EPCIP: variants seen among roughly 807,000 people sequenced by gnomAD.
The protein encoded by EPCIP is exosomal polycystin 1 interacting protein.
At chr21:32,803,864 T>A in the EPCIP span, among the ~76,000 whole-genome samples, 1 of 152,224 alleles carries the variant, frequency 6.6e-6, no homozygotes, top group Non-Finnish European at 1.5e-5. Context: ...AAGTCACCGT[T>A]CTGTGCAGTC....
chr21:32,811,619 A>G, the EPCIP span, among the ~76,000 whole-genome samples: 1 of 152,212 alleles, frequency 6.6e-6, no homozygotes, highest in Non-Finnish European at 1.5e-5. Flanking sequence ...GTGAGATTCC[A>G]TGCATTGTAT....
the EPCIP span, among the ~76,000 whole-genome samples, chr21:32,801,883 G>A: frequency 6.6e-6 from 1 of 152,138 alleles, no homozygotes; most frequent in African/African-American, 2.4e-5. Flanking sequence ...TGGTGGTAAG[G>A]GAGAAACGGA....
the EPCIP span, chr21:32,798,778 A>G: frequency 1.3e-5 from 2 of 152,176 alleles, no homozygotes; most frequent in African/African-American, 4.8e-5. Flanking sequence ...ATTCTGGCCA[A>G]CAAGGCGAAA....
the EPCIP span, among the ~76,000 whole-genome samples, chr21:32,809,289 T>TCCC: frequency 1.3e-4 from 16 of 118,662 alleles, 1 homozygote; most frequent in South Asian, 1.2e-3. Context: ...CCTTTCTTTC[T>TCCC]TTCTTTCTTT....
At chr21:32,811,352 G>A in the EPCIP span, among the ~76,000 whole-genome samples, 3 of 152,188 alleles carry the variant, frequency 2.0e-5, no homozygotes, top group South Asian at 4.2e-4. Flanking sequence ...GGCTGGTCTC[G>A]AACTCCTGAC....
the EPCIP span, among the ~76,000 whole-genome samples, chr21:32,802,075 C>T: frequency 3.9e-5 from 6 of 152,124 alleles, no homozygotes; most frequent in African/African-American, 7.2e-5. Context: ...GGCAGGAAGA[C>T]AGGGTTAGAC....
chr21:32,804,561 A>C, the EPCIP span, among the ~76,000 whole-genome samples: 1 of 152,074 alleles, frequency 6.6e-6, no homozygotes, highest in East Asian at 1.9e-4. Context: ...AGTCATAGTG[A>C]TAACAAATGT....
the EPCIP span, among the ~76,000 whole-genome samples, chr21:32,796,513 C>T: frequency 1.3e-5 from 2 of 152,094 alleles, no homozygotes; most frequent in South Asian, 2.1e-4. Context: ...CTGGATAAGG[C>T]GGTTTAGAGT....
the EPCIP span, among the ~76,000 whole-genome samples, chr21:32,811,076 C>T: frequency 2.6e-5 from 4 of 151,892 alleles, no homozygotes; most frequent in Admixed American, 6.6e-5. Flanking sequence ...AAGTGTTTCA[C>T]GTGTTTTATG....
chr21:32,805,020 T>C, the EPCIP span, among the ~76,000 whole-genome samples: 1 of 152,190 alleles, frequency 6.6e-6, no homozygotes, highest in Non-Finnish European at 1.5e-5. Flanking sequence ...TACATGGCCA[T>C]AAGGCCTCTA....
the EPCIP span, among the ~76,000 whole-genome samples, chr21:32,805,425 G>A: frequency 2.6e-5 from 4 of 151,668 alleles, no homozygotes; most frequent in African/African-American, 9.7e-5. Context: ...GCAGTGGCAC[G>A]ATCTTGGCTC....
chr21:32,813,501 A>C, the EPCIP span: 6 of 447,718 alleles, frequency 1.3e-5, no homozygotes, highest in Non-Finnish European at 2.8e-5. Context: ...CAACCGTCAC[A>C]GTTCCTGCCA....
At chr21:32,796,375 G>C in the EPCIP span, among the ~76,000 whole-genome samples, 1 of 152,130 alleles carries the variant, frequency 6.6e-6, no homozygotes, top group Admixed American at 6.5e-5. Flanking sequence ...CAAAAGACCT[G>C]GATCCTATCC....
At chr21:32,806,588 C>G in the EPCIP span, among the ~76,000 whole-genome samples, 2 of 152,232 alleles carry the variant, frequency 1.3e-5, no homozygotes, top group Non-Finnish European at 2.9e-5. Context: ...TGCCCTCTGG[C>G]TGGTGAAGCC....
At chr21:32,794,039 T>C in the EPCIP span, 1 of 1,614,196 alleles carries the variant, frequency 6.2e-7, no homozygotes, top group Non-Finnish European at 8.5e-7. Context: ...GGCCTCCATG[T>C]TGATGCGCAG....
the EPCIP span, among the ~76,000 whole-genome samples, chr21:32,800,162 G>C: frequency 2.6e-5 from 4 of 152,146 alleles, no homozygotes; most frequent in Non-Finnish European, 5.9e-5. Flanking sequence ...TCCAAATGCT[G>C]TCCTCCCACT....
the EPCIP span, among the ~76,000 whole-genome samples, chr21:32,806,208 G>A: frequency 6.6e-6 from 1 of 152,222 alleles, no homozygotes; most frequent in Non-Finnish European, 1.5e-5. Flanking sequence ...GTGGACAGAA[G>A]CATTTTCTCC....
chr21:32,796,491 C>T, the EPCIP span, among the ~76,000 whole-genome samples: 1 of 152,168 alleles, frequency 6.6e-6, no homozygotes, highest in Admixed American at 6.5e-5. Context: ...GAGAGAGATT[C>T]GACGCGGGGG....
At chr21:32,804,307 A>T in the EPCIP span, among the ~76,000 whole-genome samples, 7 of 149,216 alleles carry the variant, frequency 4.7e-5, no homozygotes, top group African/African-American at 1.7e-4. Context: ...GAATAGTACT[A>T]TATTATTTAT....
Sources: gnomAD v4.1 joint callset for allele counts (sites outside exome capture counted in the v4.1 genomes callset) on GRCh38, gnomAD v4.1.1 for gene constraint, MANE v1.5 for transcripts, NCBI Gene and HGNC (gene_info 2026-07-23, HGNC 2026-07-21) for gene names.